Variants in NEDD4L observed in about 807,000 individuals in gnomAD.
NEDD4L encodes NEDD4 like E3 ubiquitin protein ligase.
In NEDD4L, 54 loss-of-function variants were observed where a neutral mutation model predicts 148.9. The ratio of observed to expected loss-of-function variants is 0.36; its 90% CI spans 0.29 to 0.45. NEDD4L has a LOEUF of 0.45. NEDD4L is among the 20% of genes least tolerant of loss of function. NEDD4L has a pLI of 1.00. For synonymous variants in NEDD4L, 433 were observed against 440.7 expected (o/e 0.98, Z 0.22); for missense variants, 856 against 1,233.8 (o/e 0.69, Z 4.59).
intron 2 of NEDD4L, among the ~76,000 whole-genome samples, chr18:58,241,138 A>C (rs2046586906): frequency 6.6e-6 from 1 of 152,204 alleles, no homozygotes; most frequent in Non-Finnish European, 1.5e-5. Flanking sequence ...AGTGCTCACT[A>C]TACTCCTGCC....
chr18:58,387,892 A>C (rs1184816520), intron 27 of NEDD4L: 1 of 159,958 alleles, frequency 6.3e-6, no homozygotes, highest in African/African-American at 2.4e-5. Context: ...ACCTGCTTAC[A>C]CTACCAGACT....
chr18:58,265,433 G>T (rs2050081857), intron 5 of NEDD4L, among the ~76,000 whole-genome samples: 1 of 152,026 alleles, frequency 6.6e-6, no homozygotes, highest in East Asian at 1.9e-4. Flanking sequence ...TGAGGACAAG[G>T]AAATACCAAG....
At chr18:58,204,832 T>C (rs777835937) in intron 2 of NEDD4L, among the ~76,000 whole-genome samples, 1 of 152,188 alleles carries the variant, frequency 6.6e-6, no homozygotes, top group Non-Finnish European at 1.5e-5. Flanking sequence ...AAGAAGGTGC[T>C]ATAAAAAGCA....
intron 2 of NEDD4L, 121 bp from the exon 3 acceptor site, chr18:58,245,306 A>G (rs2047125419): frequency 3.7e-6 from 2 of 547,570 alleles, no homozygotes; most frequent in Non-Finnish European, 6.6e-6. Flanking sequence ...GTTATTGCTT[A>G]GTTTGTGGAA....
At chr18:58,355,873 A>G (rs1033047455) in intron 18 of NEDD4L, among the ~76,000 whole-genome samples, 2 of 150,698 alleles carry the variant, frequency 1.3e-5, no homozygotes, top group African/African-American at 2.4e-5. Context: ...AATTCCTAAT[A>G]TGGTCATTAA....
intron 2 of NEDD4L, chr18:58,194,134 GGTT>G (rs1244038675): frequency 6.6e-6 from 1 of 152,268 alleles, no homozygotes; most frequent in Non-Finnish European, 1.5e-5. Context: ...AAAGAACAAG[GGTT>G]GTCCTTGAGC....
At position 58,303,225 on chromosome 18, in the gene NEDD4L, T is replaced by A. The variant is rs540508963; in HGVS notation, c.298-12757T>A. On this transcript the variant is annotated intron_variant, in intron 5 of 30. Coordinates refer to ENST00000400345, the MANE Select transcript of NEDD4L (RefSeq NM_001144967.3). ...ATGGAACTTTTCTCTCCCAGGTTGA[T>A]CTTGTGTTTTGAGACATAAAGAGTC... Among the ~76,000 whole-genome samples the A allele has an allele frequency of 9.1e-4, 138 of 152,206 alleles. 1 individual carries two copies. Among genetic ancestry groups the A allele is most frequent in the Non-Finnish European group, 1.8e-3 (120 of 68,022 alleles).
At chr18:58,249,038 A>G in intron 4 of NEDD4L, 101 bp downstream of exon 4, 5 of 614,804 alleles carry the variant, frequency 8.1e-6, no homozygotes, top group Non-Finnish European at 1.4e-5. Flanking sequence ...TTTAATGAGA[A>G]ATTCCTTTTA....
chr18:58,176,351 A>C (rs934417246), intron 2 of NEDD4L, among the ~76,000 whole-genome samples: 1 of 151,964 alleles, frequency 6.6e-6, no homozygotes, highest in Non-Finnish European at 1.5e-5. Flanking sequence ...CCTTTTTAAA[A>C]AGAGACAGGA....
intron 1 of NEDD4L, among the ~76,000 whole-genome samples, chr18:58,132,793 T>TA (rs2032340684): frequency 6.6e-6 from 1 of 152,176 alleles, no homozygotes; most frequent in South Asian, 2.1e-4. Context: ...GTGTGTGTGA[T>TA]AGAGTTCATG....
At position 58,324,915 on chromosome 18, in the gene NEDD4L, C is replaced by T. The variant is rs927134922; in HGVS notation, c.514-81C>T. The T allele has an allele frequency of 6.2e-6, 8 of 1,295,394 alleles. No homozygotes were observed. In the East Asian group the frequency reaches 1.4e-4, roughly 23 times the overall value. The allele number at this position is 1,295,394 out of a possible 1,614,324, so 80.2% of individuals were successfully genotyped here. ...GAGAGCCCCAGAGCAAGGAGAAGGG[C>T]ATGCAGGGCATGCTGTGATGACCTC... On this transcript the variant is annotated intron_variant, in intron 8 of 30. Coordinates refer to ENST00000400345, the MANE Select transcript of NEDD4L (RefSeq NM_001144967.3).
chr18:58,306,840 G>A (rs2057121795), intron 5 of NEDD4L, among the ~76,000 whole-genome samples: 1 of 152,078 alleles, frequency 6.6e-6, no homozygotes, highest in African/African-American at 2.4e-5. Context: ...CACCATGTTG[G>A]CCAGGCTGTT....
At chr18:58,296,992 C>T (rs1600847814) in intron 5 of NEDD4L, among the ~76,000 whole-genome samples, 1 of 152,116 alleles carries the variant, frequency 6.6e-6, no homozygotes, top group African/African-American at 2.4e-5. Flanking sequence ...GAGGCTGAGG[C>T]ACGAGAATTG....
intron 12 of NEDD4L, 82 bp downstream of exon 12, chr18:58,333,974 T>G: frequency 1.2e-6 from 1 of 863,806 alleles, no homozygotes; most frequent in East Asian, 2.6e-5. Flanking sequence ...AAAAGAGTTT[T>G]TCCTGTGTAA....
chr18:58,329,105 C>G lies in NEDD4L; in HGVS notation c.791C>G (p.Ser264Trp), dbSNP rs200330105. Residue 264 changes from serine (S) to tryptophan (W), a missense_variant, in exon 10 of 31, where the codon TCG becomes TGG. By Grantham distance (177) the Ser-to-Trp change is radical. Coordinates refer to ENST00000400345, the MANE Select transcript of NEDD4L (RefSeq NM_001144967.3). ...AGCGAAGACTTGGAGCCCGAGCCCT[C>G]GGAGGGCGGGGATGTCCCCGAGGTA... ...HISEDLEPEP[S>W]EGGDVPEPWE... 99 of 1,613,806 alleles carry G rather than the reference C, an allele frequency of 6.1e-5. No homozygotes were observed. The highest frequency in any genetic ancestry group is 3.4e-6 in the Non-Finnish European group (4 of 1,179,866).
At chr18:58,181,485 G>A (rs943068185) in intron 2 of NEDD4L, among the ~76,000 whole-genome samples, 1 of 151,972 alleles carries the variant, frequency 6.6e-6, no homozygotes, top group Non-Finnish European at 1.5e-5. Context: ...AGACTGGAGT[G>A]CAGTGGTGCG....
chr18:58,295,717 T>A (rs2055460885), intron 5 of NEDD4L, among the ~76,000 whole-genome samples: 1 of 151,998 alleles, frequency 6.6e-6, no homozygotes, highest in South Asian at 2.1e-4. Context: ...TGCTATGCTG[T>A]GAGGAAGGAT....
intron 1 of NEDD4L, among the ~76,000 whole-genome samples, chr18:58,148,116 A>G (rs889249249): frequency 1.3e-5 from 2 of 151,282 alleles, no homozygotes; most frequent in Non-Finnish European, 2.9e-5. Context: ...GCCATAACAA[A>G]ATACCCAATT....
chr18:58,093,655 CTT>C (rs1276575609), intron 1 of NEDD4L, among the ~76,000 whole-genome samples: 7 of 152,238 alleles, frequency 4.6e-5, no homozygotes, highest in African/African-American at 1.7e-4. Context: ...TGGTGGTAGT[CTT>C]ATATTTGCTA....
Sources: gnomAD v4.1 joint callset for allele counts (sites outside exome capture counted in the v4.1 genomes callset) on GRCh38, gnomAD v4.1.1 for gene constraint, MANE v1.5 for transcripts, NCBI Gene and HGNC (gene_info 2026-07-23, HGNC 2026-07-21) for gene names.